DOCK3: variants seen among roughly 807,000 people sequenced by gnomAD.
The protein encoded by DOCK3 is dedicator of cytokinesis protein 3.
Under a neutral mutation model 265.6 loss-of-function variants are expected in DOCK3, and 60 were observed. That is an observed-to-expected ratio of 0.23 (90% CI 0.18 to 0.28). The LOEUF (loss-of-function observed/expected upper bound fraction) is 0.28, where lower values mean the gene tolerates loss of function less well. Among genes scored for constraint, DOCK3 ranks in the 10% least tolerant of loss-of-function variants. DOCK3 has a pLI of 1.00. For synonymous variants in DOCK3, 881 were observed against 938.0 expected, an observed-to-expected ratio of 0.94 and a Z score of 1.11; for missense variants, 1,981 against 2,594.3, an observed-to-expected ratio of 0.76 and a Z score of 5.14.
chr3:51,057,315 T>G (rs2081240517), intron 5 of DOCK3, among the ~76,000 whole-genome samples: 1 of 152,230 alleles, frequency 6.6e-6, no homozygotes, highest in African/African-American at 2.4e-5. Flanking sequence ...CAGTGTACTT[T>G]CCAAATAATC....
At chr3:51,173,892 C>T (rs2086808944) in intron 12 of DOCK3, among the ~76,000 whole-genome samples, 1 of 151,946 alleles carries the variant, frequency 6.6e-6, no homozygotes, top group African/African-American at 2.4e-5. Flanking sequence ...AAATTTTTCC[C>T]CCTTTTCTTT....
chr3:50,960,830 T>G (rs557456885), intron 5 of DOCK3, among the ~76,000 whole-genome samples: 2 of 152,304 alleles, frequency 1.3e-5, no homozygotes, highest in South Asian at 2.1e-4. Context: ...AGACCTATAA[T>G]CCATTTTGAG....
chr3:50,965,907 ATGT>A (rs903799708), intron 5 of DOCK3, among the ~76,000 whole-genome samples: 1 of 152,162 alleles, frequency 6.6e-6, no homozygotes, highest in Non-Finnish European at 1.5e-5. Flanking sequence ...GTCAGCACAC[ATGT>A]TGTGCATTAG....
chr3:51,155,434 G>A (rs2085800044), intron 10 of DOCK3, among the ~76,000 whole-genome samples: 1 of 152,172 alleles, frequency 6.6e-6, no homozygotes, highest in Non-Finnish European at 1.5e-5. Context: ...CATTATCTGA[G>A]ACTTGAGTTC....
chr3:51,214,027 T>C lies in DOCK3; in HGVS notation c.1127-95T>C. On this transcript the variant is annotated intron_variant, in intron 13 of 52. Coordinates refer to ENST00000266037, the MANE Select transcript of DOCK3 (RefSeq NM_004947.5). The stretch of plus-strand genomic sequence containing the variant: ...TTTTCTCAAGAATTTTGCTGAACTT[T>C]GCACATTTTCTTCTGGAAAATGTGA... 3.2e-6 allele frequency: 5 copies of C among 1,543,942 alleles called. No homozygotes were observed. The South Asian group carries it at 6.0e-5, about 19-fold the overall frequency.
chr3:50,997,568 TA>T (rs1184274029), intron 5 of DOCK3, among the ~76,000 whole-genome samples: 2 of 152,146 alleles, frequency 1.3e-5, no homozygotes, highest in African/African-American at 4.8e-5. Context: ...TTATAATAAA[TA>T]AAACATTAGA....
At chr3:51,106,218 G>T (rs1028597888) in intron 9 of DOCK3, among the ~76,000 whole-genome samples, 4 of 152,230 alleles carry the variant, frequency 2.6e-5, no homozygotes, top group Non-Finnish European at 4.4e-5. Context: ...GCACCCCTCA[G>T]TTGGCTAGCC....
intron 5 of DOCK3, among the ~76,000 whole-genome samples, chr3:50,935,742 A>C (rs2051325381): frequency 6.6e-6 from 1 of 152,216 alleles, no homozygotes; most frequent in South Asian, 2.1e-4. Context: ...CGTCATCTAC[A>C]TAACACAAAT....
intron 12 of DOCK3, among the ~76,000 whole-genome samples, chr3:51,207,160 A>G (rs1199780795): frequency 1.3e-5 from 2 of 152,120 alleles, no homozygotes; most frequent in Non-Finnish European, 2.9e-5. Flanking sequence ...GAAGGTCACA[A>G]ATACGTAAGG....
intron 10 of DOCK3, among the ~76,000 whole-genome samples, chr3:51,148,899 T>A (rs564820186): frequency 5.9e-4 from 90 of 152,310 alleles, no homozygotes; most frequent in Admixed American, 4.1e-3. Context: ...GGTAGCTTGA[T>A]GGGGATGGCA....
At chr3:51,206,365 T>C (rs2089208646) in intron 12 of DOCK3, among the ~76,000 whole-genome samples, 1 of 152,192 alleles carries the variant, frequency 6.6e-6, no homozygotes, top group African/African-American at 2.4e-5. Flanking sequence ...ACACAGTCCT[T>C]ATCATCTAAG....
chr3:51,367,276 T>G (rs2087266061), intron 49 of DOCK3, among the ~76,000 whole-genome samples: 1 of 152,222 alleles, frequency 6.6e-6, no homozygotes, highest in South Asian at 2.1e-4. Flanking sequence ...TCTTTGTTGG[T>G]TTAAAGTCTG....
chr3:51,019,135 G>A (rs1164033429), intron 5 of DOCK3, among the ~76,000 whole-genome samples: 2 of 151,792 alleles, frequency 1.3e-5, no homozygotes, highest in African/African-American at 4.9e-5. Context: ...GTTTAATGTA[G>A]TCTACTTTAT....
In DOCK3 at chr3:51,228,146, C is replaced by T. The variant is rs1576467261; in HGVS notation, c.1647+58C>T. The T allele has an allele frequency of 2.7e-5, 41 of 1,544,728 alleles. No homozygotes were observed. In the East Asian group the frequency reaches 9.2e-4, roughly 35 times the overall value. ...CTTACCTGCCCTGAGGCCACTCTCA[C>T]ACATGGTTCTCAGTTAGGTGGTTTT... is the stretch of plus-strand genomic sequence containing the variant. On this transcript the variant is annotated intron_variant, in intron 17 of 52. Coordinates refer to ENST00000266037, the MANE Select transcript of DOCK3 (RefSeq NM_004947.5).
At chr3:51,187,838 C>A (rs879474830) in intron 12 of DOCK3, among the ~76,000 whole-genome samples, 12 of 151,556 alleles carry the variant, frequency 7.9e-5, no homozygotes, top group Non-Finnish European at 1.3e-4. Flanking sequence ...TGAGGCCTCC[C>A]CAGCCACATG....
chr3:50,780,183 A>G (rs1030648984), intron 2 of DOCK3, among the ~76,000 whole-genome samples: 7 of 152,256 alleles, frequency 4.6e-5, no homozygotes, highest in African/African-American at 1.4e-4. Context: ...GGAACTAAGA[A>G]TAGAAGGTAA....
chr3:51,380,333 G>A, intron 52 of DOCK3, 126 bp downstream of exon 52: 2 of 890,158 alleles, frequency 2.2e-6, no homozygotes, highest in South Asian at 1.8e-5. Flanking sequence ...CAGCCTGGCA[G>A]AAGCTGGGGG....
intron 9 of DOCK3, among the ~76,000 whole-genome samples, chr3:51,112,990 T>G (rs141602105): frequency 6.8e-6 from 1 of 146,372 alleles, no homozygotes; most frequent in Admixed American, 6.9e-5. Flanking sequence ...TGAAAAACAT[T>G]TACTTCTTAT....
intron 26 of DOCK3, among the ~76,000 whole-genome samples, chr3:51,278,811 C>T (rs964287638): frequency 3.9e-5 from 6 of 151,938 alleles, no homozygotes; most frequent in Admixed American, 3.9e-4. Flanking sequence ...TATTCAGTAC[C>T]TTTTTACATA....
Sources: gnomAD v4.1 joint callset for allele counts (sites outside exome capture counted in the v4.1 genomes callset) on GRCh38, gnomAD v4.1.1 for gene constraint, MANE v1.5 for transcripts, NCBI Gene and HGNC (gene_info 2026-07-23, HGNC 2026-07-21) for gene names.